The following EXOSC7 variants were observed in gnomAD, a reference collection of about 807,000 sequenced individuals.
The protein encoded by EXOSC7 is exosome complex component RRP42.
In EXOSC7, 25 loss-of-function variants were observed where a neutral mutation model predicts 34.3. The observed-to-expected ratio is 0.73, with a 90% CI of 0.53 to 1.02. EXOSC7 has a LOEUF of 1.02. Ranked by LOEUF, EXOSC7 falls within the 50% of genes least tolerant of loss-of-function variation. EXOSC7 has a pLI of 0.00. For synonymous variants in EXOSC7, 130 were observed against 143.0 expected, an observed-to-expected ratio of 0.91 and a Z score of 0.65; for missense variants, 370 against 368.5, an observed-to-expected ratio of 1.00 and a Z score of -0.03.
Position 44,989,536 on chromosome 3 carries a change from G to C in EXOSC7, c.160-14G>C. ...CATACTCTGAGTGAGGACTCTTCTT[G>C]CATGTGTCTGCAGGGTCACACAGAC... On this transcript the variant is annotated splice_polypyrimidine_tract_variant and intron_variant, in intron 2 of 7. Coordinates refer to ENST00000265564, the MANE Select transcript of EXOSC7 (RefSeq NM_015004.4). 6.2e-7 allele frequency: 1 copy of C among 1,605,662 alleles called. No individual in the cohort carries two copies. Among genetic ancestry groups the C allele is most frequent in the Non-Finnish European group, 8.5e-7 (1 of 1,172,402 alleles).
Position 45,006,404 on chromosome 3 carries a change from GTTTTTTTTTTTTT to G in EXOSC7, c.615+1001_616-993del, listed in dbSNP as rs545281987. 2.8e-4 allele frequency among the ~76,000 whole-genome samples: 17 copies of G among 61,730 alleles called. No individual in the cohort carries two copies. In the South Asian group the frequency reaches 0.014, roughly 51 times the overall value. The allele number at this position is 61,730 out of a possible 152,430, so 40.5% of individuals were successfully genotyped here. On this transcript the variant is annotated intron_variant, in intron 6 of 7. Coordinates refer to ENST00000265564, the MANE Select transcript of EXOSC7 (RefSeq NM_015004.4). ...GCTTGTTCTTTCTTGTTGTTTATTT[GTTTTTTTTTTTTT>G]TTTTTTTTTTGAGACAGAGTCTCGC...
chr3:45,003,171 G>A (rs572416872), intron 5 of EXOSC7, among the ~76,000 whole-genome samples: 2 of 152,298 alleles, frequency 1.3e-5, no homozygotes, highest in Non-Finnish European at 2.9e-5. Flanking sequence ...CAGGCAGCAA[G>A]GAATGGGGAC....
intron 6 of EXOSC7, among the ~76,000 whole-genome samples, chr3:45,006,565 C>T (rs1461103198): frequency 5.3e-5 from 8 of 150,048 alleles, no homozygotes; most frequent in Admixed American, 2.0e-4. Flanking sequence ...TACAGGCGCC[C>T]GCCACCGCGC....
chr3:44,977,009 G>T (rs1575993554), intron 1 of EXOSC7: 1 of 152,246 alleles, frequency 6.6e-6, no homozygotes, highest in Non-Finnish European at 1.5e-5. Context: ...AACCCGGGAG[G>T]CGGAGGTTGC....
chr3:44,987,723 A>G (rs775966333), intron 1 of EXOSC7, among the ~76,000 whole-genome samples: 5 of 152,274 alleles, frequency 3.3e-5, no homozygotes, highest in South Asian at 2.1e-4. Flanking sequence ...ACTGTGTGCT[A>G]TTAGTAAATT....
chr3:44,997,267 GC>G lies in EXOSC7; in HGVS notation c.420+16del. ...TGGATGTGCTGGTGAGTATCATCGTGCTGTACTGGCCACATTCTACCTTTGT... is the reference window on the plus strand; with the variant it reads ...TGGATGTGCTGGTGAGTATCATCGTGTGTACTGGCCACATTCTACCTTTGT... On this transcript the variant is annotated intron_variant, in intron 4 of 7. Transcript: ENST00000265564. The G allele has an allele frequency of 6.2e-7, 1 of 1,611,498 alleles. No homozygotes were observed. Among genetic ancestry groups the G allele is most frequent in the Non-Finnish European group, 8.5e-7 (1 of 1,178,470 alleles).
chr3:44,984,586 A>G (rs1706357458), intron 1 of EXOSC7, among the ~76,000 whole-genome samples: 1 of 152,184 alleles, frequency 6.6e-6, no homozygotes, highest in Non-Finnish European at 1.5e-5. Context: ...ATCCTTTAGA[A>G]TGCAGTGGAC....
intron 6 of EXOSC7, among the ~76,000 whole-genome samples, chr3:45,006,663 G>A (rs887211820): frequency 1.5e-4 from 23 of 150,328 alleles, no homozygotes; most frequent in Non-Finnish European, 2.7e-4. Flanking sequence ...TGATCTGCCC[G>A]CCTCGGCCTC....
intron 1 of EXOSC7, among the ~76,000 whole-genome samples, chr3:44,986,269 G>A (rs1391545360): frequency 6.6e-6 from 1 of 152,188 alleles, no homozygotes; most frequent in Non-Finnish European, 1.5e-5. Flanking sequence ...CCGGAGCCCT[G>A]CCCCGTGGGA....
At chr3:45,001,963 C>T (rs1706895169) in intron 5 of EXOSC7, 1 of 232,358 alleles carries the variant, frequency 4.3e-6, no homozygotes, top group Non-Finnish European at 8.4e-6. Flanking sequence ...AGGATTTTGC[C>T]TGTTTTGTAC....
In EXOSC7 at chr3:44,989,150, G is replaced by T. The variant is rs763272453; in HGVS notation, c.68G>T (p.Arg23Leu). ...YIVHGVQEDL[R>L]VDGRGCEDYR... ...GTTGTTAACACCTAGGAAGACCTCC[G>T]TGTGGATGGCCGTGGCTGTGAGGAC... is the stretch of plus-strand genomic sequence containing the variant. Residue 23 changes from arginine to leucine, a missense_variant, in exon 2 of 8, where the codon CGT (arginine) becomes CTT (leucine). Around this residue, in one of 3 missense-constraint regions of EXOSC7, gnomAD observed 95 missense variants for 79.8 expected, o/e 1.19. Coordinates refer to ENST00000265564, the MANE Select transcript of EXOSC7 (RefSeq NM_015004.4). The T allele has an allele frequency of 3.1e-6, 5 of 1,613,938 alleles. No individual in the cohort carries two copies. Among genetic ancestry groups the T allele is most frequent in the East Asian group, 4.5e-5 (2 of 44,882 alleles).
intron 4 of EXOSC7, among the ~76,000 whole-genome samples, chr3:44,998,158 C>T (rs1213870536): frequency 6.6e-6 from 1 of 151,388 alleles, no homozygotes; most frequent in East Asian, 1.9e-4. Context: ...GTCTCAGCCT[C>T]CTGAGTAGCT....
intron 4 of EXOSC7, among the ~76,000 whole-genome samples, chr3:44,998,135 A>G (rs565221488): frequency 4.0e-5 from 6 of 150,012 alleles, no homozygotes; most frequent in Non-Finnish European, 5.9e-5. Context: ...TCCCAGGTTC[A>G]ATCGATTCTC....
In EXOSC7 at chr3:44,989,177, A is replaced by G; in HGVS notation, c.95A>G (p.Tyr32Cys). The G allele has an allele frequency of 1.2e-6, 2 of 1,614,128 alleles. No homozygotes were observed. The highest frequency in any genetic ancestry group is 2.7e-5 in the African/African-American group (2 of 75,032). ...GTGGATGGCCGTGGCTGTGAGGACT[A>G]CCGATGTGTCGAAGTGGAAACTGAT... Reference protein sequence around the residue: ...LRVDGRGCEDYRCVEVETDVV... With the variant: ...LRVDGRGCEDCRCVEVETDVV... The change falls in exon 2 of 8, where the codon TAC (tyrosine) becomes TGC (cysteine). Residue 32 changes from tyrosine (Y) to cysteine (C), a missense_variant. Physicochemically the swap from Tyr to Cys is radical, Grantham distance 194. Transcript: ENST00000265564.
intron 7 of EXOSC7, among the ~76,000 whole-genome samples, chr3:45,010,274 G>T (rs1707167866): frequency 1.3e-5 from 2 of 152,092 alleles, no homozygotes; most frequent in Non-Finnish European, 2.9e-5. Context: ...TTGAGACAGG[G>T]TCTTGCTCTG....
At chr3:45,005,133 T>C (rs537313881) in intron 5 of EXOSC7, 158 bp from the exon 6 acceptor site, 59 of 781,928 alleles carry the variant, frequency 7.5e-5, no homozygotes, top group Admixed American at 4.9e-4. Context: ...GCCTCCTGTG[T>C]GCTTTTGACA....
intron 5 of EXOSC7, among the ~76,000 whole-genome samples, chr3:45,003,217 C>CT (rs1259426823): frequency 6.6e-6 from 1 of 152,152 alleles, no homozygotes; most frequent in African/African-American, 2.4e-5. Context: ...TGTGGAGAGA[C>CT]TATTGGCATA....
Position 44,981,885 on chromosome 3 carries a change from TAAAAG to T in EXOSC7, c.57+5555_57+5559del, listed in dbSNP as rs1297355303. ...GGTGACAGAGAGATACTCTGTCTCT[TAAAAG>T]AAAGAAAAAGAAAAAAGAGAAGGGG... On this transcript the variant is annotated intron_variant, in intron 1 of 7. Transcript: ENST00000265564. Among the ~76,000 whole-genome samples, 18 of 152,194 alleles carry T rather than the reference TAAAAG, an allele frequency of 1.2e-4. No individual in the cohort carries two copies. In the South Asian group the frequency reaches 2.5e-3, roughly 21 times the overall value.
chr3:44,996,210 TA>T (rs991488192), intron 3 of EXOSC7, among the ~76,000 whole-genome samples: 1 of 152,242 alleles, frequency 6.6e-6, no homozygotes, highest in African/African-American at 2.4e-5. Context: ...ACTGGCTTCT[TA>T]CCTTTCTAGT....
Sources: allele counts gnomAD v4.1 joint callset (sites outside exome capture counted in the v4.1 genomes callset), GRCh38; gene constraint gnomAD v4.1.1; regional missense constraint gnomAD v4.1.1; transcripts MANE v1.5; gene names NCBI Gene and HGNC (gene_info 2026-07-23, HGNC 2026-07-21).